The following IGDCC4 variants were observed in gnomAD, a reference collection of about 807,000 sequenced individuals.
IGDCC4 encodes the protein likely ortholog of mouse neighbor of Punc E11.
IGDCC4 carries 72 observed loss-of-function variants against 116.6 expected under a neutral mutation model. The observed-to-expected ratio is 0.62, with a 90% CI of 0.51 to 0.75. The LOEUF (loss-of-function observed/expected upper bound fraction) is 0.75. Among genes scored for constraint, IGDCC4 ranks in the 30% least tolerant of loss-of-function variants. The pLI is 0.00. For missense variants in IGDCC4, 1,501 were observed against 1,662.4 expected (o/e 0.90, Z 1.69); for synonymous variants, 709 against 719.9 (o/e 0.98, Z 0.24).
chr15:65,384,213 C>A lies in IGDCC4; in HGVS notation c.3549G>T (p.Glu1183Asp). ...GGGCTGCCAGCTCACACCCTCCCAA[C>A]TCCCTGTCCAGCCAGGCTGCCCCCT... ...PGQGAAWLDR[E>D]LGGCELAAPG... Residue 1183 changes from glutamate (E) to aspartate (D), a missense_variant, in exon 20 of 20, where the codon GAG (glutamate) becomes GAT (aspartate). By Grantham distance (45) the Glu-to-Asp change is conservative. Transcript: ENST00000352385. The surrounding 1 kb of genome is among the most constrained non-coding windows in gnomAD (Gnocchi z 4.9). The A allele has an allele frequency of 1.9e-6, 3 of 1,605,330 alleles. No individual in the cohort carries two copies. Among genetic ancestry groups the A allele is most frequent in the Non-Finnish European group, 1.7e-6 (2 of 1,173,626 alleles).
At chr15:65,401,873 C>A (rs1018410134) in intron 4 of IGDCC4, among the ~76,000 whole-genome samples, 2 of 152,184 alleles carry the variant, frequency 1.3e-5, no homozygotes, top group Non-Finnish European at 2.9e-5. Context: ...GGGGCAAGAG[C>A]TTTTCAAAGA....
rs1567083604 is a variant in IGDCC4, at chr15:65,394,466, G to A, written c.1659C>T (p.Ser553=). The A allele has an allele frequency of 6.2e-7, 1 of 1,614,062 alleles. No individual in the cohort carries two copies. The highest frequency in any genetic ancestry group is 2.2e-5 in the East Asian group (1 of 44,886). Residue 553 remains serine, a synonymous_variant, in exon 9 of 20, where the codon AGC becomes AGT. Transcript: ENST00000352385. ...ACTTCACCACCTGCCCATTGCTCAGGCTGGGGGGCAGGGGCAGCCACGCCA... is the reference window on the plus strand; with the variant it reads ...ACTTCACCACCTGCCCATTGCTCAGACTGGGGGGCAGGGGCAGCCACGCCA... ...IRVAWLPLPP[S]LSNGQVVKYK...
chr15:65,395,409 A>G (rs2062913706), intron 7 of IGDCC4, 151 bp from the exon 8 acceptor site: 1 of 794,122 alleles, frequency 1.3e-6, no homozygotes, highest in East Asian at 2.9e-5. Flanking sequence ...AAACTCCCTC[A>G]GCTTCCTGTC....
chr15:65,399,282 G>C (rs1031404128), intron 5 of IGDCC4, among the ~76,000 whole-genome samples: 1 of 151,804 alleles, frequency 6.6e-6, no homozygotes, highest in Non-Finnish European at 1.5e-5. Flanking sequence ...ACCTGCCTGC[G>C]CAACATCTAG....
rs755306114 is a variant in IGDCC4, at chr15:65,422,850, C to A, written c.13G>T (p.Asp5Tyr). ...AGGAGCCCGCGGCCGCGGCCGGCGT[C>A]CCCCCGCGCCATGGGGCTGGGCTCG... MARG[D>Y]AGRGRGLLAL... Residue 5 changes from aspartate to tyrosine, a missense_variant, in exon 1 of 20, where the codon GAC (aspartate) becomes TAC (tyrosine). Physicochemically the swap from Asp to Tyr is radical, Grantham distance 160 (BLOSUM62 -3). Coordinates refer to ENST00000352385, the MANE Select transcript of IGDCC4 (RefSeq NM_020962.3). The A allele has an allele frequency of 2.5e-6, 3 of 1,190,238 alleles. No homozygotes were observed. The highest frequency in any genetic ancestry group is 1.6e-5 in the African/African-American group (1 of 61,752). 73.7% of individuals were successfully genotyped at this position (1,190,238 alleles called of 1,614,324 possible).
chr15:65,405,923 A>G (rs1324002624), intron 3 of IGDCC4, among the ~76,000 whole-genome samples: 1 of 152,250 alleles, frequency 6.6e-6, no homozygotes, highest in Non-Finnish European at 1.5e-5. Context: ...TAAAGAACAC[A>G]GAAGAAATGA....
intron 16 of IGDCC4, among the ~76,000 whole-genome samples, chr15:65,387,938 C>A (rs114120067): frequency 4.6e-5 from 7 of 151,614 alleles, no homozygotes; most frequent in African/African-American, 1.7e-4. Flanking sequence ...GGTGAAAACC[C>A]GTCTTTACTA....
intron 1 of IGDCC4, 140 bp downstream of exon 1, chr15:65,422,653 C>T (rs1444930491): frequency 3.6e-6 from 2 of 551,230 alleles, no homozygotes; most frequent in East Asian, 4.9e-5. Context: ...CCCGCGCAGG[C>T]ATCGCGGGCA....
In IGDCC4 at chr15:65,391,998, G is replaced by A. The variant is rs576495602; in HGVS notation, c.2123-17C>T. 6.3e-7 allele frequency: 1 copy of A among 1,596,026 alleles called. No homozygotes were observed. The highest frequency in any genetic ancestry group is 1.3e-5 in the African/African-American group (1 of 74,564). On this transcript the variant is annotated splice_polypyrimidine_tract_variant and intron_variant, in intron 11 of 19. Coordinates refer to ENST00000352385, the MANE Select transcript of IGDCC4 (RefSeq NM_020962.3). ...GGCCAGGGACTGGGGAAGGTTACAG[G>A]GCTTAATGGCTAGGGGGACATCTGG...
In IGDCC4 at chr15:65,422,850, C is replaced by T. The variant is rs755306114; in HGVS notation, c.13G>A (p.Asp5Asn). Residue 5 changes from aspartate (D) to asparagine (N), a missense_variant, in exon 1 of 20, where the codon GAC (aspartate) becomes AAC (asparagine). Around this residue, in one of 3 missense-constraint regions of IGDCC4, gnomAD observed 898 missense variants for 978.9 expected, o/e 0.92. Transcript: ENST00000352385. ...AGGAGCCCGCGGCCGCGGCCGGCGT[C>T]CCCCCGCGCCATGGGGCTGGGCTCG... MARGDAGRGRGLLAL... is the reference protein window; with the variant it reads MARGNAGRGRGLLAL... 620 of 1,190,338 alleles carry T rather than the reference C, an allele frequency of 5.2e-4. 5 individuals carry two copies. The South Asian group carries it at 5.9e-3, about 11-fold the overall frequency. The allele number at this position is 1,190,338 out of a possible 1,614,324, so 73.7% of individuals were successfully genotyped here.
In IGDCC4 at chr15:65,422,831, C is replaced by T. The variant is rs1307706916; in HGVS notation, c.32G>A (p.Gly11Glu). 4 of 1,228,642 alleles carry T rather than the reference C, an allele frequency of 3.3e-6. No homozygotes were observed. Among genetic ancestry groups the T allele is most frequent in the Non-Finnish European group, 4.1e-6 (4 of 981,112 alleles). 76.1% of individuals were successfully genotyped at this position (1,228,642 alleles called of 1,614,324 possible). The change falls in exon 1 of 20, where the codon GGG becomes GAG. Residue 11 changes from glycine (G) to glutamate (E), a missense_variant. Gly to Glu is a moderately conservative substitution (Grantham distance 98, BLOSUM62 -2). Coordinates refer to ENST00000352385, the MANE Select transcript of IGDCC4 (RefSeq NM_020962.3). MARGDAGRGR[G>E]LLALTFCLLA... is the part of the protein sequence containing the mutation. Reference sequence around the variant, plus strand: ...CAGGCAGAAGGTCAACGCGAGGAGCCCGCGGCCGCGGCCGGCGTCCCCCCG... The same window carrying T: ...CAGGCAGAAGGTCAACGCGAGGAGCTCGCGGCCGCGGCCGGCGTCCCCCCG...
chr15:65,418,437 A>G (rs914004974), intron 1 of IGDCC4, among the ~76,000 whole-genome samples: 1 of 152,202 alleles, frequency 6.6e-6, no homozygotes, highest in Non-Finnish European at 1.5e-5. Context: ...AGTCCCTTAT[A>G]GAACCATCCA....
rs948583669 is a variant in IGDCC4 at position 65,388,988 on chromosome 15, G to A, written c.2537-10C>T. On this transcript the variant is annotated splice_polypyrimidine_tract_variant and intron_variant, in intron 14 of 19. Coordinates refer to ENST00000352385, the MANE Select transcript of IGDCC4 (RefSeq NM_020962.3). ...GGGGGTGTGGAGGGCCCTGGGGTGCGGGAGAGGAGATGGGGAGAGATGTCA... is the reference window on the plus strand; with the variant it reads ...GGGGGTGTGGAGGGCCCTGGGGTGCAGGAGAGGAGATGGGGAGAGATGTCA... The A allele has an allele frequency of 1.3e-5, 20 of 1,562,084 alleles. No homozygotes were observed. Among genetic ancestry groups the A allele is most frequent in the Middle Eastern group, 2.0e-4 (1 of 5,122 alleles).
At chr15:65,417,258 C>G (rs1020030473) in intron 1 of IGDCC4, among the ~76,000 whole-genome samples, 2 of 152,128 alleles carry the variant, frequency 1.3e-5, no homozygotes, top group African/African-American at 2.4e-5. Flanking sequence ...GCCCCTCCCC[C>G]CAACAGCTGG....
chr15:65,392,872 C>T (rs2062880797), intron 10 of IGDCC4, among the ~76,000 whole-genome samples: 1 of 151,910 alleles, frequency 6.6e-6, no homozygotes, highest in African/African-American at 2.4e-5. Flanking sequence ...TCCTTGCAAC[C>T]CTCTAAAATA....
intron 16 of IGDCC4, 57 bp downstream of exon 16, chr15:65,388,392 C>A: frequency 1.2e-6 from 2 of 1,609,406 alleles, no homozygotes; most frequent in South Asian, 2.2e-5. Flanking sequence ...TAGTTGTGTC[C>A]ACAGGCAGGG....
At chr15:65,416,230 C>T (rs2063142532) in intron 1 of IGDCC4, among the ~76,000 whole-genome samples, 1 of 150,750 alleles carries the variant, frequency 6.6e-6, no homozygotes, top group South Asian at 2.1e-4. Flanking sequence ...CTCCGCCTCC[C>T]GGGTTCGAGA....
intron 15 of IGDCC4, 50 bp downstream of exon 15, chr15:65,388,758 G>A: frequency 2.5e-6 from 4 of 1,611,086 alleles, no homozygotes; most frequent in Non-Finnish European, 3.4e-6. Context: ...GCTGGAAGCG[G>A]GAGAGGCTGG....
At chr15:65,392,045 G>A in intron 11 of IGDCC4, 64 bp from the exon 12 acceptor site, 1 of 1,549,778 alleles carries the variant, frequency 6.5e-7, no homozygotes, top group Non-Finnish European at 8.8e-7. Flanking sequence ...CGTCCACAGA[G>A]AGCATCCCAT....
Sources: gnomAD v4.1 joint callset for allele counts (sites outside exome capture counted in the v4.1 genomes callset) on GRCh38, gnomAD v4.1.1 for gene constraint, gnomAD v4.1.1 regional missense constraint, Gnocchi (gnomAD v3.1) non-coding constraint, MANE v1.5 for transcripts, NCBI Gene and HGNC (gene_info 2026-07-23, HGNC 2026-07-21) for gene names.